Variants in MAP3K1 observed in about 807,000 individuals in gnomAD.
The protein encoded by MAP3K1 is MAP/ERK kinase kinase 1.
In MAP3K1, 36 loss-of-function variants were observed where a neutral mutation model predicts 144.2. That is an observed-to-expected ratio of 0.25 (90% CI 0.19 to 0.33). The LOEUF (loss-of-function observed/expected upper bound fraction) is 0.33. Among genes scored for constraint, MAP3K1 ranks in the 10% least tolerant of loss-of-function variants. MAP3K1 has a pLI of 1.00. For synonymous variants in MAP3K1, 718 were observed against 688.7 expected (o/e 1.04, Z -0.67); for missense variants, 1,650 against 1,881.9 (o/e 0.88, Z 2.28).
At chr5:56,863,628 A>T (rs185335204) in intron 3 of MAP3K1, among the ~76,000 whole-genome samples, 228 of 152,332 alleles carry the variant, frequency 1.5e-3, no homozygotes, top group Non-Finnish European at 2.6e-3. Context: ...TCAGGTGGAC[A>T]TATATTCTCA....
chr5:56,826,238 A>G (rs1746309633), intron 1 of MAP3K1, among the ~76,000 whole-genome samples: 1 of 152,144 alleles, frequency 6.6e-6, no homozygotes, highest in Admixed American at 6.5e-5. Context: ...GTATTCCACT[A>G]AAAAATAAAT....
At chr5:56,820,172 T>C (rs1746111124) in intron 1 of MAP3K1, among the ~76,000 whole-genome samples, 1 of 152,072 alleles carries the variant, frequency 6.6e-6, no homozygotes, top group African/African-American at 2.4e-5. Context: ...TATGTTTATA[T>C]ATAATCTCAT....
At chr5:56,878,452 A>T (rs1477598912) in intron 10 of MAP3K1, among the ~76,000 whole-genome samples, 1 of 152,200 alleles carries the variant, frequency 6.6e-6, no homozygotes, top group Non-Finnish European at 1.5e-5. Flanking sequence ...AGTATAATTT[A>T]AAAAATGGTG....
chr5:56,868,619 C>A (rs1419263060), intron 6 of MAP3K1, among the ~76,000 whole-genome samples: 1 of 152,156 alleles, frequency 6.6e-6, no homozygotes, highest in Non-Finnish European at 1.5e-5. Flanking sequence ...CTCCTGACCT[C>A]ATGATCTGCC....
At chr5:56,826,162 C>T (rs913169536) in intron 1 of MAP3K1, among the ~76,000 whole-genome samples, 7 of 152,044 alleles carry the variant, frequency 4.6e-5, no homozygotes, top group Admixed American at 1.3e-4. Context: ...CTAGAATACT[C>T]TTTCCAGCTC....
At chr5:56,827,035 T>C (rs1432019359) in intron 1 of MAP3K1, among the ~76,000 whole-genome samples, 1 of 152,160 alleles carries the variant, frequency 6.6e-6, no homozygotes, top group African/African-American at 2.4e-5. Context: ...CGTGGAGGAA[T>C]GAACCAGGTG....
chr5:56,845,209 T>TACTA (rs1746952825), intron 1 of MAP3K1, among the ~76,000 whole-genome samples: 2 of 152,244 alleles, frequency 1.3e-5, no homozygotes, highest in Admixed American at 1.3e-4. Flanking sequence ...AACCTACATA[T>TACTA]ACTAACAGAC....
At chr5:56,839,572 G>C (rs1746750419) in intron 1 of MAP3K1, among the ~76,000 whole-genome samples, 1 of 152,088 alleles carries the variant, frequency 6.6e-6, no homozygotes. Context: ...TCATTTAGTT[G>C]AACATTTTGG....
At chr5:56,830,651 G>T (rs1246240101) in intron 1 of MAP3K1, among the ~76,000 whole-genome samples, 3 of 152,070 alleles carry the variant, frequency 2.0e-5, no homozygotes, top group African/African-American at 7.2e-5. Context: ...CATTGATAGG[G>T]TTTGTGTGTG....
At chr5:56,878,083 A>G (rs115941775) in intron 10 of MAP3K1, among the ~76,000 whole-genome samples, 1,774 of 152,302 alleles carry the variant, frequency 0.012, 32 homozygotes, top group African/African-American at 0.04. Context: ...CTGTCAGTTA[A>G]GGTAATGTCT....
chr5:56,881,664 A>G lies in MAP3K1; in HGVS notation c.2464A>G (p.Ser822Gly), dbSNP rs1561199277. The G allele has an allele frequency of 6.2e-7, 1 of 1,614,060 alleles. No homozygotes were observed. Among genetic ancestry groups the G allele is most frequent in the Admixed American group, 1.7e-5 (1 of 60,008 alleles). ...VGKLSRRIYL[S>G]SARMVTTVPH... ...CAAACTTTCCAGAAGGATCTACTTG[A>G]GTTCTGCAAGAATGGTTACTACAGT... is the stretch of plus-strand genomic sequence containing the variant. The change falls in exon 14 of 20, where the codon AGT becomes GGT. Residue 822 changes from serine to glycine, a missense_variant. Coordinates refer to ENST00000399503, the MANE Select transcript of MAP3K1 (RefSeq NM_005921.2).
At chr5:56,859,641 C>G in intron 2 of MAP3K1, 74 bp from the exon 3 acceptor site, 1 of 1,075,510 alleles carries the variant, frequency 9.3e-7, no homozygotes, top group Non-Finnish European at 1.4e-6. Context: ...AGTGTATTTC[C>G]TAGTCTATGA....
At position 56,816,074 on chromosome 5, in the gene MAP3K1, G is replaced by A. The variant is rs980706365; in HGVS notation, c.482+19G>A. ...CCGCCGGGTGAGCAGCACGGCCGGG[G>A]TCGCGGCGGGGACTTGGAGAGCGGG... On this transcript the variant is annotated intron_variant, in intron 1 of 19. Transcript: ENST00000399503. 1.7e-6 allele frequency: 2 copies of A among 1,209,922 alleles called. No individual in the cohort carries two copies. Among genetic ancestry groups the A allele is most frequent in the African/African-American group, 1.6e-5 (1 of 63,468 alleles). The allele number at this position is 1,209,922 out of a possible 1,614,324, so 74.9% of individuals were successfully genotyped here. A position where few individuals can be genotyped will look rare whatever the true frequency, so the allele number is the denominator to read the frequency against.
At chr5:56,844,166 T>C (rs981391516) in intron 1 of MAP3K1, among the ~76,000 whole-genome samples, 4 of 149,600 alleles carry the variant, frequency 2.7e-5, no homozygotes, top group Admixed American at 1.3e-4. Flanking sequence ...TTTAGTATTA[T>C]AGGATTGTTT....
At chr5:56,842,554 G>A (rs568323683) in intron 1 of MAP3K1, among the ~76,000 whole-genome samples, 1 of 152,284 alleles carries the variant, frequency 6.6e-6, no homozygotes, top group East Asian at 1.9e-4. Context: ...TAGTAATTCA[G>A]TTTATTGTGG....
intron 7 of MAP3K1, 68 bp from the exon 8 acceptor site, chr5:56,872,571 AAC>A (rs1285221568): frequency 8.8e-5 from 78 of 887,226 alleles, no homozygotes; most frequent in Admixed American, 7.8e-5. Flanking sequence ...TATAATTATA[AAC>A]AGTTATGAAA....
In MAP3K1 at chr5:56,886,018, C is replaced by A. The variant is rs201715740; in HGVS notation, c.4069C>A (p.Leu1357Ile). 1.2e-4 allele frequency: 192 copies of A among 1,612,532 alleles called. 1 individual carries two copies. The highest frequency in any genetic ancestry group is 2.3e-5 in the Non-Finnish European group (27 of 1,178,788). ...INYTEQLLRG[L>I]SYLHENQIIH... ...CTACACTGAACAGTTACTCCGTGGC[C>A]TTTCGTATCTCCATGAAAACCAAAT... The change falls in exon 17 of 20, where the codon CTT becomes ATT. Residue 1357 changes from leucine (L) to isoleucine (I), a missense_variant. Physicochemically the swap from Leu to Ile is conservative, Grantham distance 5 (BLOSUM62 2). Transcript: ENST00000399503.
Position 56,882,161 on chromosome 5 carries a change from T to G in MAP3K1, c.2961T>G (p.Ser987=). The G allele has an allele frequency of 6.2e-7, 1 of 1,614,138 alleles. No homozygotes were observed. The highest frequency in any genetic ancestry group is 1.3e-5 in the African/African-American group (1 of 75,048). The change falls in exon 14 of 20, where the codon TCT becomes TCG. Residue 987 remains serine (S), a synonymous_variant. Transcript: ENST00000399503. The stretch of plus-strand genomic sequence containing the variant: ...TGTTTCCAGCCTTGTCAACCCCTTC[T>G]TCTTCTACCCCATCTGTACCAGCTG... The part of the protein sequence containing the change: ...QLMFPALSTP[S]SSTPSVPAGT...
intron 1 of MAP3K1, among the ~76,000 whole-genome samples, chr5:56,824,340 G>A (rs923559309): frequency 5.9e-5 from 9 of 152,222 alleles, no homozygotes; most frequent in Non-Finnish European, 1.2e-4. Context: ...AGTTCCCAGG[G>A]CATTTGCTCA....
Sources: allele counts gnomAD v4.1 joint callset (sites outside exome capture counted in the v4.1 genomes callset), GRCh38; gene constraint gnomAD v4.1.1; transcripts MANE v1.5; gene names NCBI Gene and HGNC (gene_info 2026-07-23, HGNC 2026-07-21).